The following NBAS variants were observed in gnomAD, a reference collection of about 807,000 sequenced individuals.
The protein encoded by NBAS is NBAS subunit of NRZ tethering complex.
NBAS carries 219 observed loss-of-function variants against 302.5 expected under a neutral mutation model. The ratio of observed to expected loss-of-function variants is 0.72; its 90% CI spans 0.65 to 0.81. The LOEUF (loss-of-function observed/expected upper bound fraction) is 0.81, where lower values mean the gene tolerates loss of function less well. Ranked by LOEUF, NBAS falls within the 30% of genes least tolerant of loss-of-function variation. NBAS has a pLI of 0.00. For missense variants in NBAS, 2,932 were observed against 2,841.6 expected (o/e 1.03, Z -0.72); for synonymous variants, 1,118 against 1,021.6 (o/e 1.09, Z -1.80).
At chr2:15,007,796 G>A in the NBAS span, among the ~76,000 whole-genome samples, 2 of 152,270 alleles carry the variant, frequency 1.3e-5, no homozygotes, top group East Asian at 3.9e-4. Flanking sequence ...AAAATGAAAA[G>A]AGCTTGGATT....
the NBAS span, among the ~76,000 whole-genome samples, chr2:15,110,800 GCCCCATT>G: frequency 6.6e-6 from 1 of 152,102 alleles, no homozygotes; most frequent in Non-Finnish European, 1.5e-5. Context: ...CACAGAGAAA[GCCCCATT>G]CCACTTTTAA....
intron 28 of NBAS, among the ~76,000 whole-genome samples, chr2:15,391,171 AT>A (rs1453082204): frequency 6.6e-6 from 1 of 152,174 alleles, no homozygotes; most frequent in Non-Finnish European, 1.5e-5. Context: ...TGAAGAAAAA[AT>A]TATTCAAAAC....
At chr2:15,306,328 A>T (rs1192688930) in intron 40 of NBAS, among the ~76,000 whole-genome samples, 1 of 152,282 alleles carries the variant, frequency 6.6e-6, no homozygotes, top group Non-Finnish European at 1.5e-5. Flanking sequence ...GTAACACCTT[A>T]GGCAAACTGG....
chr2:15,513,327 C>T (rs1373744224), intron 9 of NBAS, among the ~76,000 whole-genome samples: 1 of 152,140 alleles, frequency 6.6e-6, no homozygotes, highest in African/African-American at 2.4e-5. Context: ...CGTAATTAAC[C>T]CTGCTCACCA....
the NBAS span, among the ~76,000 whole-genome samples, chr2:15,133,191 C>T: frequency 6.6e-6 from 1 of 152,146 alleles, no homozygotes; most frequent in African/African-American, 2.4e-5. Flanking sequence ...AGAAACATAT[C>T]CTGCCCTGGG....
chr2:14,794,056 A>T, the NBAS span, among the ~76,000 whole-genome samples: 14 of 152,224 alleles, frequency 9.2e-5, no homozygotes, highest in Non-Finnish European at 1.8e-4. Flanking sequence ...TGCCTAAAAA[A>T]AATTCTTCAA....
At chr2:14,977,726 T>A in the NBAS span, among the ~76,000 whole-genome samples, 2 of 152,188 alleles carry the variant, frequency 1.3e-5, no homozygotes, top group Non-Finnish European at 2.9e-5. Context: ...CTTTCCCTCA[T>A]CATTTTTAAA....
At chr2:15,076,199 T>C in the NBAS span, among the ~76,000 whole-genome samples, 1 of 152,222 alleles carries the variant, frequency 6.6e-6, no homozygotes, top group African/African-American at 2.4e-5. Flanking sequence ...GTTGAAAAGA[T>C]AGGAGTGTTT....
the NBAS span, among the ~76,000 whole-genome samples, chr2:15,069,383 G>T: frequency 6.6e-6 from 1 of 152,180 alleles, no homozygotes; most frequent in African/African-American, 2.4e-5. Context: ...CTTCAGTCAT[G>T]GCAAAAGCCC....
chr2:15,312,450 A>G (rs1434328926), intron 38 of NBAS, among the ~76,000 whole-genome samples: 1 of 151,964 alleles, frequency 6.6e-6, no homozygotes, highest in Admixed American at 6.6e-5. Flanking sequence ...TTGCTTTAAA[A>G]TTTTTTTATA....
chr2:15,185,562 T>C (rs1330431630), intron 50 of NBAS, among the ~76,000 whole-genome samples: 1 of 152,146 alleles, frequency 6.6e-6, no homozygotes, highest in Non-Finnish European at 1.5e-5. Flanking sequence ...AGACATGATA[T>C]AGCCATGGTT....
At chr2:15,145,931 T>C in the NBAS span, among the ~76,000 whole-genome samples, 1 of 152,116 alleles carries the variant, frequency 6.6e-6, no homozygotes, top group Non-Finnish European at 1.5e-5. Flanking sequence ...CGAGACTCCC[T>C]GAGTTGGAGA....
At chr2:14,890,851 C>CAA in the NBAS span, 4 of 138,246 alleles carry the variant, frequency 2.9e-5, no homozygotes, top group Non-Finnish European at 4.4e-5. Flanking sequence ...AAACAAACAA[C>CAA]AACAAAAAAA....
chr2:15,069,893 A>G, the NBAS span, among the ~76,000 whole-genome samples: 1 of 152,140 alleles, frequency 6.6e-6, no homozygotes, highest in Non-Finnish European at 1.5e-5. Flanking sequence ...ACGGATTGGG[A>G]ATTGGAGTTA....
At chr2:14,792,344 A>G in the NBAS span, among the ~76,000 whole-genome samples, 3 of 152,204 alleles carry the variant, frequency 2.0e-5, no homozygotes, top group African/African-American at 2.4e-5. Flanking sequence ...AGTGCTCAGG[A>G]CACTTATAGT....
At chr2:15,303,054 C>A (rs1434304847) in intron 40 of NBAS, among the ~76,000 whole-genome samples, 1 of 152,148 alleles carries the variant, frequency 6.6e-6, no homozygotes, top group Non-Finnish European at 1.5e-5. Flanking sequence ...GGTTTTGGGA[C>A]TTGGACTGGC....
At chr2:14,806,859 C>T in the NBAS span, among the ~76,000 whole-genome samples, 1 of 152,284 alleles carries the variant, frequency 6.6e-6, no homozygotes, top group Admixed American at 6.5e-5. Context: ...CATTGCATCA[C>T]CAAAACAGTT....
chr2:15,064,191 A>G, the NBAS span, among the ~76,000 whole-genome samples: 47 of 152,298 alleles, frequency 3.1e-4, 1 homozygote, highest in South Asian at 3.1e-3. Flanking sequence ...GAACAGAAAT[A>G]AATAGAAAAT....
At chr2:14,822,545 C>A in the NBAS span, among the ~76,000 whole-genome samples, 1 of 152,100 alleles carries the variant, frequency 6.6e-6, no homozygotes, top group African/African-American at 2.4e-5. Context: ...AGGTCATGAA[C>A]CCCAAGCAGG....
Sources: gnomAD v4.1 joint callset for allele counts (sites outside exome capture counted in the v4.1 genomes callset) on GRCh38, gnomAD v4.1.1 for gene constraint, MANE v1.5 for transcripts, NCBI Gene and HGNC (gene_info 2026-07-23, HGNC 2026-07-21) for gene names.